Variants in RPRD2 observed in about 807,000 individuals in gnomAD.
RPRD2 encodes the protein regulation of nuclear pre-mRNA domain-containing protein 2.
A neutral mutation model predicts 104.4 loss-of-function variants in RPRD2; 12 were observed. That is an observed-to-expected ratio of 0.11 (90% CI 0.07 to 0.19). The LOEUF (loss-of-function observed/expected upper bound fraction) is 0.19. RPRD2 is among the 10% of genes least tolerant of loss of function. The probability of loss-of-function intolerance (pLI) is 1.00; values close to 1 mark genes in which losing one functional copy is unlikely to be tolerated. For missense variants in RPRD2, 1,543 were observed against 1,790.1 expected, an observed-to-expected ratio of 0.86 and a Z score of 2.49; for synonymous variants, 714 against 684.9, an observed-to-expected ratio of 1.04 and a Z score of -0.66.
intron 1 of RPRD2, among the ~76,000 whole-genome samples, chr1:150,384,639 TTGTGTGTGTGTGTGTGTGTG>T (rs71086504): frequency 2.2e-5 from 3 of 133,352 alleles, no homozygotes; most frequent in Admixed American, 8.0e-5. Flanking sequence ...CCTGGCTAAT[TTGTGTGTGTGTGTGTGTGTG>T]TGTGTGTGTG....
In RPRD2 at chr1:150,460,239, T is replaced by C. The variant is rs1156970227; in HGVS notation, c.1333T>C (p.Leu445=). Residue 445 remains leucine, a synonymous_variant, in exon 9 of 11, where the codon TTG becomes CTG. Coordinates refer to ENST00000369068, the MANE Select transcript of RPRD2 (RefSeq NM_015203.5). ...TSLSPSPALA[L]PNLANVDLAK... The stretch of plus-strand genomic sequence containing the variant: ...TCTTTCCCCTTCCCCAGCATTGGCT[T>C]TGCCAAACCTGGCTAATGTGGATCT... 9 of 1,613,614 alleles carry C rather than the reference T, an allele frequency of 5.6e-6. No homozygotes were observed. The highest frequency in any genetic ancestry group is 6.8e-6 in the Non-Finnish European group (8 of 1,179,800).
chr1:150,430,790 C>T (rs1553891503), intron 2 of RPRD2, among the ~76,000 whole-genome samples: 1 of 151,870 alleles, frequency 6.6e-6, no homozygotes, highest in East Asian at 1.9e-4. Context: ...TTAGCCGGAC[C>T]TGGTGGCGCA....
intron 1 of RPRD2, among the ~76,000 whole-genome samples, chr1:150,380,811 C>T (rs1453814846): frequency 6.6e-6 from 1 of 152,112 alleles, no homozygotes; most frequent in East Asian, 1.9e-4. Context: ...CTCGCTACCA[C>T]GTCCAGCTAA....
At chr1:150,386,020 G>T (rs1211491213) in intron 1 of RPRD2, among the ~76,000 whole-genome samples, 1 of 152,142 alleles carries the variant, frequency 6.6e-6, no homozygotes, top group African/African-American at 2.4e-5. Context: ...TGAGAGGGGT[G>T]TGGTGTATGA....
At chr1:150,413,375 C>T (rs919802455) in intron 1 of RPRD2, among the ~76,000 whole-genome samples, 17 of 149,974 alleles carry the variant, frequency 1.1e-4, no homozygotes, top group Non-Finnish European at 2.1e-4. Flanking sequence ...CCGAGGCAGG[C>T]GGATCACCTG....
At chr1:150,455,907 C>T (rs1193246965) in intron 7 of RPRD2, among the ~76,000 whole-genome samples, 17 of 152,114 alleles carry the variant, frequency 1.1e-4, no homozygotes, top group Admixed American at 1.1e-3. Flanking sequence ...CTGACCTGGG[C>T]TCAAGCAGTC....
intron 1 of RPRD2, among the ~76,000 whole-genome samples, chr1:150,388,383 C>CAT (rs1560159365): frequency 1.9e-4 from 29 of 150,092 alleles, no homozygotes; most frequent in Admixed American, 8.7e-4. Flanking sequence ...CACATATACA[C>CAT]GTATACACAT....
chr1:150,395,365 T>TTGTGTGTGTGTG (rs10524632), intron 1 of RPRD2, among the ~76,000 whole-genome samples: 8,878 of 144,006 alleles, frequency 0.062, 343 homozygotes, highest in African/African-American at 0.086. Flanking sequence ...TAGTATTCCA[T>TTGTGTGTGTGTG]TGTGTGTGTG....
chr1:150,383,929 AAAT>A (rs587610329), intron 1 of RPRD2, among the ~76,000 whole-genome samples: 31 of 152,334 alleles, frequency 2.0e-4, no homozygotes, highest in Admixed American at 1.8e-3. Context: ...TAGTGAACAA[AAAT>A]AACAGTACAA....
At chr1:150,389,931 C>T (rs1398904078) in intron 1 of RPRD2, among the ~76,000 whole-genome samples, 1 of 152,124 alleles carries the variant, frequency 6.6e-6, no homozygotes, top group Non-Finnish European at 1.5e-5. Context: ...AAGCCTTGGG[C>T]CCCCAGAAAC....
At chr1:150,418,872 C>T (rs1438155108) in intron 2 of RPRD2, among the ~76,000 whole-genome samples, 2 of 152,006 alleles carry the variant, frequency 1.3e-5, no homozygotes, top group Non-Finnish European at 2.9e-5. Flanking sequence ...ATTAGCCAGG[C>T]GTGGTGGCAG....
chr1:150,367,871 C>T (rs1189791017), intron 1 of RPRD2, among the ~76,000 whole-genome samples: 1 of 151,990 alleles, frequency 6.6e-6, no homozygotes, highest in African/African-American at 2.4e-5. Flanking sequence ...TACAGGCACG[C>T]ACCACCACGT....
intron 2 of RPRD2, among the ~76,000 whole-genome samples, chr1:150,432,109 C>A (rs928599208): frequency 1.4e-5 from 2 of 145,198 alleles, no homozygotes; most frequent in Admixed American, 7.0e-5. Context: ...TATTTTACCA[C>A]AATTTTCCTT....
intron 2 of RPRD2, among the ~76,000 whole-genome samples, chr1:150,419,470 A>G (rs59378360): frequency 0.048 from 7,302 of 152,276 alleles, 441 homozygotes; most frequent in African/African-American, 0.13. Flanking sequence ...AAAGATTAAA[A>G]TATGGTACTA....
chr1:150,380,244 C>T (rs782250228), intron 1 of RPRD2, among the ~76,000 whole-genome samples: 1 of 152,196 alleles, frequency 6.6e-6, no homozygotes, highest in Non-Finnish European at 1.5e-5. Context: ...CTTCAAACTA[C>T]ATAAATTTAG....
At chr1:150,388,492 C>CA (rs34271469) in intron 1 of RPRD2, among the ~76,000 whole-genome samples, 46,381 of 131,106 alleles carry the variant, frequency 0.35, 8,128 homozygotes, top group Non-Finnish European at 0.42. Context: ...TATATATATA[C>CA]CCGCGCACAC....
At chr1:150,463,877 C>T (rs1668097261) in intron 9 of RPRD2, among the ~76,000 whole-genome samples, 1 of 152,178 alleles carries the variant, frequency 6.6e-6, no homozygotes, top group South Asian at 2.1e-4. Context: ...TGTGGTGGTA[C>T]ATGCCTGTAA....
intron 9 of RPRD2, 85 bp from the exon 10 acceptor site, chr1:150,464,442 A>G: frequency 9.7e-7 from 1 of 1,032,232 alleles, no homozygotes; most frequent in South Asian, 1.4e-5. Flanking sequence ...TGTTAAATAT[A>G]TCAAACTCAT....
At chr1:150,440,552 T>C (rs926519221) in intron 2 of RPRD2, among the ~76,000 whole-genome samples, 3 of 152,128 alleles carry the variant, frequency 2.0e-5, no homozygotes, top group Admixed American at 2.0e-4. Flanking sequence ...CTTTAAAAAA[T>C]GAAAAAATAC....
Sources: gnomAD v4.1 joint callset for allele counts (sites outside exome capture counted in the v4.1 genomes callset) on GRCh38, gnomAD v4.1.1 for gene constraint, MANE v1.5 for transcripts, NCBI Gene and HGNC (gene_info 2026-07-23, HGNC 2026-07-21) for gene names.